The following CFAP299 variants were observed in gnomAD, a reference collection of about 807,000 sequenced individuals.
CFAP299 encodes cilia- and flagella-associated protein 299.
CFAP299 carries 21 observed loss-of-function variants against 27.0 expected under a neutral mutation model. The observed-to-expected ratio is 0.78, with a 90% CI of 0.55 to 1.12. The LOEUF is 1.12. CFAP299 is among the 50% of genes most tolerant of loss of function. The probability of loss-of-function intolerance (pLI) is 0.00; values close to 1 mark genes in which losing one functional copy is unlikely to be tolerated. For synonymous variants in CFAP299, 104 were observed against 98.1 expected, an observed-to-expected ratio of 1.06 and a Z score of -0.36; for missense variants, 310 against 276.6, an observed-to-expected ratio of 1.12 and a Z score of -0.86.
intron 1 of CFAP299, among the ~76,000 whole-genome samples, chr4:80,355,975 A>G (rs1169841549): frequency 6.6e-6 from 1 of 152,152 alleles, no homozygotes; most frequent in Non-Finnish European, 1.5e-5. Flanking sequence ...TTTGGGTTTT[A>G]CATTTAAGTC....
rs1738468257 is a variant in CFAP299 at position 80,963,663 on chromosome 4, T to A, written c.*51T>A. The A allele has an allele frequency of 1.6e-6, 2 of 1,216,296 alleles. No homozygotes were observed. The highest frequency in any genetic ancestry group is 3.0e-5 in the African/African-American group (2 of 66,314). 75.3% of individuals were successfully genotyped at this position (1,216,296 alleles called of 1,614,324 possible). A position where few individuals can be genotyped will look rare whatever the true frequency, so the allele number is the denominator to read the frequency against. On this transcript the variant is annotated 3_prime_UTR_variant, in exon 6 of 6. Coordinates refer to ENST00000358105, the MANE Select transcript of CFAP299 (RefSeq NM_152770.3). ...ATTTGCTAAATTTAAATAAATTCCGTAGACAGAGCAAATTAGAATAATAAA... is the reference window on the plus strand; with the variant it reads ...ATTTGCTAAATTTAAATAAATTCCGAAGACAGAGCAAATTAGAATAATAAA...
chr4:80,635,826 A>T (rs1739445211), intron 3 of CFAP299, among the ~76,000 whole-genome samples: 1 of 152,132 alleles, frequency 6.6e-6, no homozygotes, highest in Non-Finnish European at 1.5e-5. Context: ...GTATTCTAAA[A>T]ATCATGGGCC....
intron 3 of CFAP299, among the ~76,000 whole-genome samples, chr4:80,793,319 C>T (rs1026636569): frequency 1.3e-5 from 2 of 151,974 alleles, no homozygotes; most frequent in East Asian, 1.9e-4. Flanking sequence ...AGCCTTTTCA[C>T]GTTTTTCTGC....
intron 3 of CFAP299, among the ~76,000 whole-genome samples, chr4:80,691,629 G>A (rs1720702556): frequency 6.7e-6 from 1 of 150,300 alleles, no homozygotes; most frequent in African/African-American, 2.4e-5. Flanking sequence ...TTTGAAAACT[G>A]GCACAAGACA....
intron 3 of CFAP299, among the ~76,000 whole-genome samples, chr4:80,678,238 C>T (rs1184853424): frequency 6.6e-6 from 1 of 152,008 alleles, no homozygotes; most frequent in African/African-American, 2.4e-5. Context: ...CCTCAACCTT[C>T]AAGCTACTAC....
At chr4:80,694,936 T>A (rs1172911644) in intron 3 of CFAP299, among the ~76,000 whole-genome samples, 1 of 152,220 alleles carries the variant, frequency 6.6e-6, no homozygotes, top group East Asian at 1.9e-4. Flanking sequence ...ATAACCTGAA[T>A]TTTTGTTAGA....
chr4:80,962,012 A>G (rs1738368021), intron 5 of CFAP299, among the ~76,000 whole-genome samples: 1 of 151,900 alleles, frequency 6.6e-6, no homozygotes, highest in African/African-American at 2.4e-5. Flanking sequence ...AAAGGAAAAT[A>G]CAGAAAGAAA....
At chr4:80,633,633 A>G (rs1739332169) in intron 3 of CFAP299, among the ~76,000 whole-genome samples, 1 of 152,186 alleles carries the variant, frequency 6.6e-6, no homozygotes, top group South Asian at 2.1e-4. Context: ...GGGTTTAGAT[A>G]TGGCAAAATA....
At chr4:80,585,733 C>T (rs1736401594) in intron 3 of CFAP299, among the ~76,000 whole-genome samples, 2 of 152,010 alleles carry the variant, frequency 1.3e-5, no homozygotes, top group South Asian at 4.2e-4. Context: ...AAGTGTGTCT[C>T]CATAGAGATA....
chr4:80,825,614 A>T (rs956254382), intron 3 of CFAP299, among the ~76,000 whole-genome samples: 1 of 152,008 alleles, frequency 6.6e-6, no homozygotes, highest in African/African-American at 2.4e-5. Flanking sequence ...TCAAATAAAA[A>T]AAAAGTCAAC....
At chr4:80,617,746 G>A (rs182418636) in intron 3 of CFAP299, among the ~76,000 whole-genome samples, 1 of 152,222 alleles carries the variant, frequency 6.6e-6, no homozygotes, top group East Asian at 1.9e-4. Flanking sequence ...GGGCATAGAT[G>A]AAAGAACTAA....
At chr4:80,753,579 A>G (rs1725060352) in intron 3 of CFAP299, among the ~76,000 whole-genome samples, 2 of 152,038 alleles carry the variant, frequency 1.3e-5, no homozygotes, top group Admixed American at 1.3e-4. Context: ...AAATATTTCT[A>G]CTGATTTGTT....
chr4:80,847,711 TGA>T lies in CFAP299; in HGVS notation c.334-22279_334-22278del, dbSNP rs1731262026. 2.0e-5 allele frequency among the ~76,000 whole-genome samples: 3 copies of T among 152,200 alleles called. No homozygotes were observed. In the South Asian group the frequency reaches 6.2e-4, roughly 31 times the overall value. ...TTATGGGGCTTGGGTTAAAATTAAA[TGA>T]GAAAATTTCTGGCATATAGTAAACA... On this transcript the variant is annotated intron_variant, in intron 3 of 5. Coordinates refer to ENST00000358105, the MANE Select transcript of CFAP299 (RefSeq NM_152770.3).
intron 2 of CFAP299, among the ~76,000 whole-genome samples, chr4:80,438,620 A>G (rs1728205252): frequency 6.6e-6 from 1 of 152,212 alleles, no homozygotes; most frequent in African/African-American, 2.4e-5. Context: ...TGTTCTATTC[A>G]TCTGTCTGTT....
chr4:80,799,164 ATATT>A (rs1408406556), intron 3 of CFAP299, among the ~76,000 whole-genome samples: 3 of 123,094 alleles, frequency 2.4e-5, no homozygotes, highest in African/African-American at 9.3e-5. Flanking sequence ...TATTTATACA[ATATT>A]TATATATATT....
intron 3 of CFAP299, among the ~76,000 whole-genome samples, chr4:80,714,839 C>T (rs1337126694): frequency 6.6e-6 from 1 of 151,976 alleles, no homozygotes; most frequent in African/African-American, 2.4e-5. Flanking sequence ...CAGACCATAC[C>T]ATGTAGGAAA....
intron 4 of CFAP299, chr4:80,871,316 G>A (rs1183124079): frequency 2.0e-6 from 2 of 985,128 alleles, no homozygotes; most frequent in African/African-American, 1.7e-5. Flanking sequence ...TTGATTTTTG[G>A]TTGTATCTGA....
At chr4:80,819,538 G>C (rs1413413630) in intron 3 of CFAP299, among the ~76,000 whole-genome samples, 1 of 152,102 alleles carries the variant, frequency 6.6e-6, no homozygotes, top group Non-Finnish European at 1.5e-5. Flanking sequence ...TTCTAGACAA[G>C]TAAAAGGAGG....
intron 2 of CFAP299, among the ~76,000 whole-genome samples, chr4:80,455,348 A>G (rs951810175): frequency 6.6e-6 from 1 of 152,226 alleles, no homozygotes; most frequent in Non-Finnish European, 1.5e-5. Flanking sequence ...TTTCACTGTC[A>G]TAATTTTCTC....
Sources: gnomAD v4.1 joint callset for allele counts (sites outside exome capture counted in the v4.1 genomes callset) on GRCh38, gnomAD v4.1.1 for gene constraint, MANE v1.5 for transcripts, NCBI Gene and HGNC (gene_info 2026-07-23, HGNC 2026-07-21) for gene names.